The following CTNNA3 variants were observed in gnomAD, a reference collection of about 807,000 sequenced individuals.
CTNNA3 encodes catenin alpha 3.
In CTNNA3, 76 loss-of-function variants were observed where a neutral mutation model predicts 95.7. The ratio of observed to expected loss-of-function variants is 0.79; its 90% CI spans 0.66 to 0.96. CTNNA3 has a LOEUF of 0.96. Among genes scored for constraint, CTNNA3 ranks in the 40% least tolerant of loss-of-function variants. The probability of loss-of-function intolerance (pLI) is 0.00; values close to 1 mark genes in which losing one functional copy is unlikely to be tolerated. For synonymous variants in CTNNA3, 431 were observed against 374.4 expected, an observed-to-expected ratio of 1.15 and a Z score of -1.74; for missense variants, 1,191 against 1,089.8, an observed-to-expected ratio of 1.09 and a Z score of -1.31.
chr10:66,987,028 A>C (rs1267341907), intron 7 of CTNNA3, among the ~76,000 whole-genome samples: 1 of 152,128 alleles, frequency 6.6e-6, no homozygotes, highest in Non-Finnish European at 1.5e-5. Context: ...GAAGAAACCA[A>C]GCAGATATAC....
intron 11 of CTNNA3, among the ~76,000 whole-genome samples, chr10:66,466,923 T>C (rs1358099814): frequency 6.6e-6 from 1 of 152,142 alleles, no homozygotes. Flanking sequence ...TCATTACTAA[T>C]TGACATTATA....
intron 13 of CTNNA3, among the ~76,000 whole-genome samples, chr10:66,274,464 C>T (rs2091350290): frequency 6.6e-6 from 1 of 151,934 alleles, no homozygotes; most frequent in South Asian, 2.1e-4. Flanking sequence ...TAAAAGAGAA[C>T]CTCCATACAT....
intron 6 of CTNNA3, among the ~76,000 whole-genome samples, chr10:67,216,140 G>A (rs771806109): frequency 3.0e-4 from 45 of 152,240 alleles, no homozygotes; most frequent in Admixed American, 5.2e-4. Flanking sequence ...GACTAACAGA[G>A]ATCCTGTTTT....
chr10:66,026,741 T>C (rs1043839992), intron 15 of CTNNA3, among the ~76,000 whole-genome samples: 3 of 152,174 alleles, frequency 2.0e-5, no homozygotes, highest in Non-Finnish European at 4.4e-5. Context: ...TGAGTCATCT[T>C]ATTGGTCATC....
intron 5 of CTNNA3, among the ~76,000 whole-genome samples, chr10:67,343,300 G>C (rs1842285033): frequency 6.6e-6 from 1 of 152,040 alleles, no homozygotes; most frequent in African/African-American, 2.4e-5. Context: ...GAATGTCATT[G>C]GTGTTTTAAT....
At chr10:67,020,965 CTAGT>C (rs1479435422) in intron 7 of CTNNA3, among the ~76,000 whole-genome samples, 7 of 152,136 alleles carry the variant, frequency 4.6e-5, no homozygotes, top group Admixed American at 1.3e-4. Context: ...GGCTAGAAGG[CTAGT>C]TAAACCTTGA....
At chr10:66,742,070 G>A (rs570421442) in intron 9 of CTNNA3, among the ~76,000 whole-genome samples, 35 of 152,266 alleles carry the variant, frequency 2.3e-4, no homozygotes, top group Middle Eastern at 3.4e-3. Context: ...TCTGACTGCC[G>A]GTGAGCCAGG....
chr10:66,047,883 C>G (rs887323760), intron 15 of CTNNA3, among the ~76,000 whole-genome samples: 5 of 151,702 alleles, frequency 3.3e-5, no homozygotes, highest in Admixed American at 6.6e-5. Context: ...ACAATTGCCA[C>G]AAAAAGAATA....
intron 7 of CTNNA3, among the ~76,000 whole-genome samples, chr10:67,175,683 A>T (rs1239216472): frequency 2.4e-4 from 37 of 152,144 alleles, no homozygotes; most frequent in Non-Finnish European, 1.5e-5. Context: ...AATCCCCTAT[A>T]GTCATGTATC....
intron 10 of CTNNA3, among the ~76,000 whole-genome samples, chr10:66,603,243 T>G (rs1911332): frequency 0.35 from 52,644 of 151,904 alleles, 9,730 homozygotes; most frequent in Middle Eastern, 0.45. Context: ...TAGCAAAGCT[T>G]CAGGATACAA....
chr10:67,474,797 G>C (rs1847943673), intron 5 of CTNNA3, among the ~76,000 whole-genome samples: 1 of 152,176 alleles, frequency 6.6e-6, no homozygotes, highest in Non-Finnish European at 1.5e-5. Context: ...AGGATACAGA[G>C]CAACTGAAAC....
chr10:67,240,655 G>A (rs1865684240), intron 5 of CTNNA3, among the ~76,000 whole-genome samples: 1 of 152,104 alleles, frequency 6.6e-6, no homozygotes, highest in Admixed American at 6.6e-5. Context: ...ATAGGAAACT[G>A]AGAAACCATA....
intron 4 of CTNNA3, 71 bp downstream of exon 4, chr10:67,539,432 G>A (rs890915025): frequency 5.9e-6 from 9 of 1,538,012 alleles, no homozygotes; most frequent in Non-Finnish European, 8.0e-6. Context: ...CACTAGGATC[G>A]ACGCCAGGTT....
intron 13 of CTNNA3, among the ~76,000 whole-genome samples, chr10:66,143,126 G>A (rs889627554): frequency 2.0e-5 from 3 of 151,638 alleles, no homozygotes; most frequent in African/African-American, 7.3e-5. Flanking sequence ...CATTATTATG[G>A]AACTCAATTA....
intron 17 of CTNNA3, among the ~76,000 whole-genome samples, chr10:65,956,968 G>C (rs1390824037): frequency 2.6e-5 from 4 of 151,552 alleles, no homozygotes; most frequent in African/African-American, 9.8e-5. Context: ...CCGTTGATGT[G>C]TCTAATGTTG....
At chr10:66,246,243 G>T (rs1589839365) in intron 13 of CTNNA3, among the ~76,000 whole-genome samples, 1 of 152,192 alleles carries the variant, frequency 6.6e-6, no homozygotes, top group South Asian at 2.1e-4. Flanking sequence ...GAGGGCAGGG[G>T]GGCCTTCCTG....
intron 13 of CTNNA3, among the ~76,000 whole-genome samples, chr10:66,209,255 G>A (rs1295048475): frequency 6.6e-6 from 1 of 152,102 alleles, no homozygotes; most frequent in Non-Finnish European, 1.5e-5. Flanking sequence ...AAGATTTGGT[G>A]ATACATCAGT....
intron 3 of CTNNA3, among the ~76,000 whole-genome samples, chr10:67,570,350 A>T (rs1371895335): frequency 1.3e-5 from 2 of 151,650 alleles, no homozygotes; most frequent in Non-Finnish European, 2.9e-5. Flanking sequence ...CTTCATTCTC[A>T]TGATTTGAAT....
intron 5 of CTNNA3, among the ~76,000 whole-genome samples, chr10:67,248,059 G>A (rs561189752): frequency 9.9e-5 from 15 of 152,212 alleles, no homozygotes; most frequent in Admixed American, 2.0e-4. Flanking sequence ...AGTGGCTCAC[G>A]CCTGTAATCC....
Sources: allele counts gnomAD v4.1 joint callset (sites outside exome capture counted in the v4.1 genomes callset), GRCh38; gene constraint gnomAD v4.1.1; transcripts MANE v1.5; gene names NCBI Gene and HGNC (gene_info 2026-07-23, HGNC 2026-07-21).